The following KIAA1217 variants were observed in gnomAD, a reference collection of about 807,000 sequenced individuals.
KIAA1217 encodes sickle tail protein homolog.
Under a neutral mutation model 163.9 loss-of-function variants are expected in KIAA1217, and 88 were observed. That is an observed-to-expected ratio of 0.54 (90% CI 0.45 to 0.64). The LOEUF is 0.64. Ranked by LOEUF, KIAA1217 falls within the 30% of genes least tolerant of loss-of-function variation. KIAA1217 has a pLI of 0.00. For missense variants in KIAA1217, 2,372 were observed against 2,475.0 expected, an observed-to-expected ratio of 0.96 and a Z score of 0.88; for synonymous variants, 903 against 923.1, an observed-to-expected ratio of 0.98 and a Z score of 0.39.
chr10:24,294,543 G>A (rs2079488977), intron 2 of KIAA1217, among the ~76,000 whole-genome samples: 1 of 152,154 alleles, frequency 6.6e-6, no homozygotes, highest in South Asian at 2.1e-4. Context: ...CGTTCACACT[G>A]AGGAGGAAAT....
intron 2 of KIAA1217, among the ~76,000 whole-genome samples, chr10:24,117,036 T>G (rs12255667): frequency 1.5e-4 from 22 of 147,358 alleles, no homozygotes; most frequent in Non-Finnish European, 2.4e-4. Context: ...CCAAATAGTG[T>G]TTTTTTTTTG....
chr10:23,944,923 G>A (rs1298862287), intron 1 of KIAA1217, among the ~76,000 whole-genome samples: 1 of 152,056 alleles, frequency 6.6e-6, no homozygotes, highest in Non-Finnish European at 1.5e-5. Flanking sequence ...GCCAGACGTG[G>A]TGGTGTGTGC....
chr10:24,020,647 A>T (rs567445405), intron 2 of KIAA1217, among the ~76,000 whole-genome samples: 1 of 152,140 alleles, frequency 6.6e-6, no homozygotes, highest in Non-Finnish European at 1.5e-5. Context: ...TAGAAGCCTT[A>T]TCGCTTGAGG....
chr10:23,842,526 A>C (rs922246948), intron 1 of KIAA1217, among the ~76,000 whole-genome samples: 5 of 152,140 alleles, frequency 3.3e-5, no homozygotes, highest in South Asian at 2.1e-4. Flanking sequence ...CACAAACTTA[A>C]GAGGCTAAGA....
intron 2 of KIAA1217, among the ~76,000 whole-genome samples, chr10:24,196,387 T>A (rs967566681): frequency 6.6e-6 from 1 of 152,212 alleles, no homozygotes; most frequent in Non-Finnish European, 1.5e-5. Context: ...TTTTCCTGAT[T>A]TCTGTTTTCA....
chr10:23,829,659 A>T (rs1228550385), intron 1 of KIAA1217, among the ~76,000 whole-genome samples: 4 of 152,196 alleles, frequency 2.6e-5, no homozygotes, highest in Non-Finnish European at 5.9e-5. Context: ...ATTATCAGTC[A>T]TCACAGTCAT....
intron 2 of KIAA1217, among the ~76,000 whole-genome samples, chr10:24,362,937 T>TTA (rs781133691): frequency 2.0e-5 from 3 of 148,184 alleles, no homozygotes; most frequent in Non-Finnish European, 4.5e-5. Flanking sequence ...CAAATTTAAT[T>TTA]AAAAAAAAAG....
Position 23,832,372 on chromosome 10 carries a change from T to A in KIAA1217, c.-321+137138T>A, listed in dbSNP as rs142080965. On this transcript the variant is annotated intron_variant, in intron 1 of 18. Transcript: ENST00000376462. The stretch of plus-strand genomic sequence containing the variant: ...CATGCCCTCTCTGGGCACACCGCAC[T>A]CCCGGAACTTCCATGTTTTCACCAA... 4.4e-3 allele frequency among the ~76,000 whole-genome samples: 665 copies of A among 152,296 alleles called. 6 individuals are homozygous for A. Among genetic ancestry groups the A allele is most frequent in the African/African-American group, 0.015 (611 of 41,568 alleles).
chr10:23,732,925 C>T lies in KIAA1217; in HGVS notation c.-321+37691C>T, dbSNP rs117016028. ...TCAGCTTTAATGCCTTTACATCATA[C>T]TTTGGAGAGATACATGATGATTTAC... On this transcript the variant is annotated intron_variant, in intron 1 of 18. Transcript: ENST00000376462. Among the ~76,000 whole-genome samples, 181 of 152,150 alleles carry T rather than the reference C, an allele frequency of 1.2e-3. 13 individuals are homozygous for T. In the East Asian group the frequency reaches 0.028, roughly 24 times the overall value.
chr10:24,294,205 A>AAG (rs1564420621), intron 2 of KIAA1217, among the ~76,000 whole-genome samples: 1 of 151,154 alleles, frequency 6.6e-6, no homozygotes, highest in African/African-American at 2.4e-5. Context: ...AAAAAAAAAA[A>AAG]AAAAAAAAGA....
At chr10:24,349,727 T>C (rs10828633) in intron 2 of KIAA1217, among the ~76,000 whole-genome samples, 54,985 of 152,172 alleles carry the variant, frequency 0.36, 11,227 homozygotes, top group Non-Finnish European at 0.46. Flanking sequence ...TCTGGATGCA[T>C]TGAACATCTT....
intron 6 of KIAA1217, among the ~76,000 whole-genome samples, chr10:24,475,269 T>G (rs940064376): frequency 6.6e-6 from 1 of 152,176 alleles, no homozygotes; most frequent in Admixed American, 6.5e-5. Context: ...ATTCAATACC[T>G]TATTAGAACC....
intron 6 of KIAA1217, among the ~76,000 whole-genome samples, chr10:24,478,499 G>A (rs560273045): frequency 1.3e-5 from 2 of 152,108 alleles, no homozygotes; most frequent in Admixed American, 6.5e-5. Context: ...GGACTTTGGG[G>A]TACAGTGACA....
intron 2 of KIAA1217, chr10:24,042,209 T>A (rs1426578749): frequency 6.6e-6 from 1 of 151,944 alleles, no homozygotes; most frequent in Non-Finnish European, 1.5e-5. Flanking sequence ...TTTTTTAGAA[T>A]CTGCTGCCCC....
intron 1 of KIAA1217, among the ~76,000 whole-genome samples, chr10:23,988,043 T>TA (rs1318930257): frequency 3.5e-5 from 5 of 144,436 alleles, no homozygotes; most frequent in African/African-American, 1.2e-4. Context: ...TTTTTATTTT[T>TA]ATTTTTTTTT....
Position 24,470,363 on chromosome 10 carries a change from G to C in KIAA1217, c.847-2865G>C, listed in dbSNP as rs557112475. ...AATGACCTTGGGACTGTTCCTTCTG[G>C]TCTAAAGCACTGAGCACCTGAGTCA... On this transcript the variant is annotated intron_variant, in intron 5 of 20. Transcript: ENST00000376454. Among the ~76,000 whole-genome samples, 5 of 152,296 alleles carry C rather than the reference G, an allele frequency of 3.3e-5. No homozygotes were observed. The East Asian group carries it at 7.7e-4, about 24-fold the overall frequency.
chr10:24,188,172 T>C, intron 2 of KIAA1217, among the ~76,000 whole-genome samples: 1 of 152,096 alleles, frequency 6.6e-6, no homozygotes, highest in Non-Finnish European at 1.5e-5. Flanking sequence ...ACTCCAGCCC[T>C]GGTGACAGAG....
intron 5 of KIAA1217, among the ~76,000 whole-genome samples, chr10:24,463,813 G>T (rs2062672449): frequency 6.6e-6 from 1 of 152,190 alleles, no homozygotes; most frequent in Admixed American, 6.5e-5. Flanking sequence ...AGAATACATT[G>T]CTTCCACTTT....
intron 2 of KIAA1217, among the ~76,000 whole-genome samples, chr10:24,183,673 G>A (rs1229917970): frequency 6.6e-6 from 1 of 152,130 alleles, no homozygotes; most frequent in East Asian, 1.9e-4. Context: ...CCTCTTCTTG[G>A]TTATTCTTAG....
Sources: gnomAD v4.1 joint callset for allele counts (sites outside exome capture counted in the v4.1 genomes callset) on GRCh38, gnomAD v4.1.1 for gene constraint, MANE v1.5 for transcripts, NCBI Gene and HGNC (gene_info 2026-07-23, HGNC 2026-07-21) for gene names.